UACA: variants seen among roughly 807,000 people sequenced by gnomAD.
UACA encodes the protein nuclear membrane binding protein.
UACA carries 112 observed loss-of-function variants against 160.5 expected under a neutral mutation model. The ratio of observed to expected loss-of-function variants is 0.70; its 90% CI spans 0.60 to 0.82. The LOEUF is 0.82. Among genes scored for constraint, UACA ranks in the 40% least tolerant of loss-of-function variants. The pLI, the probability that UACA is intolerant of heterozygous loss-of-function variation, is 0.00. For missense variants in UACA, 1,574 were observed against 1,614.6 expected, an observed-to-expected ratio of 0.97 and a Z score of 0.43; for synonymous variants, 557 against 568.4, an observed-to-expected ratio of 0.98 and a Z score of 0.29.
intron 2 of UACA, 58 bp from the exon 3 acceptor site, chr15:70,695,163 G>A: frequency 7.8e-7 from 1 of 1,275,016 alleles, no homozygotes; most frequent in African/African-American, 1.5e-5. Context: ...CACCTTAAAT[G>A]CTACATTAAT....
intron 7 of UACA, 96 bp downstream of exon 7, chr15:70,687,444 G>C: frequency 8.5e-7 from 1 of 1,171,256 alleles, no homozygotes; most frequent in Middle Eastern, 2.1e-4. Context: ...CCACAGGAAA[G>C]AAAGGCCAAG....
chr15:70,666,558 G>T (rs1466531224), intron 16 of UACA, among the ~76,000 whole-genome samples, 166 bp downstream of exon 16: 1 of 152,138 alleles, frequency 6.6e-6, no homozygotes, highest in African/African-American at 2.4e-5. Flanking sequence ...TTTGACTTTT[G>T]TGTTACTTCA....
chr15:70,705,796 G>A (rs1344772757), intron 1 of UACA, among the ~76,000 whole-genome samples: 1 of 151,974 alleles, frequency 6.6e-6, no homozygotes, highest in East Asian at 1.9e-4. Context: ...CAGAACTTAA[G>A]TACCCTGATT....
chr15:70,657,732 A>G (rs1263438703), intron 18 of UACA, among the ~76,000 whole-genome samples: 2 of 152,132 alleles, frequency 1.3e-5, no homozygotes, highest in Admixed American at 1.3e-4. Flanking sequence ...GAACAAAGTA[A>G]ACTACAAGGA....
In UACA at chr15:70,671,027, A is replaced by G; in HGVS notation, c.1221+12T>C. On this transcript the variant is annotated intron_variant, in intron 15 of 18. Transcript: ENST00000322954. ...AATGTTTTTTAAAATTAAAAAAAAA[A>G]ACAGTTATTACCTGTGAGTCTGCCA... 4 of 1,516,478 alleles carry G rather than the reference A, an allele frequency of 2.6e-6. No homozygotes were observed. The highest frequency in any genetic ancestry group is 3.5e-6 in the Non-Finnish European group (4 of 1,133,250). 93.9% of individuals were successfully genotyped at this position (1,516,478 alleles called of 1,614,324 possible). A position where few individuals can be genotyped will look rare whatever the true frequency, so the allele number is the denominator to read the frequency against.
chr15:70,666,564 CTT>C lies in UACA; in HGVS notation c.3960+158_3960+159del, dbSNP rs1896912351. On this transcript the variant is annotated intron_variant, in intron 16 of 18. Coordinates refer to ENST00000322954, the MANE Select transcript of UACA (RefSeq NM_018003.4). ...AAAAATGCTTTTGACTTTTGTGTTACTTCACTTTTTTTTTCAATTCGGAATTT... is the reference window on the plus strand; with the variant it reads ...AAAAATGCTTTTGACTTTTGTGTTACCACTTTTTTTTTCAATTCGGAATTT... Among the ~76,000 whole-genome samples the C allele has an allele frequency of 2.6e-5, 4 of 152,290 alleles. No homozygotes were observed. In the South Asian group the frequency reaches 8.3e-4, roughly 32 times the overall value.
chr15:70,683,929 A>ACTC (rs1897608632), intron 8 of UACA, among the ~76,000 whole-genome samples: 1 of 151,998 alleles, frequency 6.6e-6, no homozygotes, highest in Non-Finnish European at 1.5e-5. Flanking sequence ...ATTCTTTAAA[A>ACTC]CTTCGTAAGT....
intron 1 of UACA, among the ~76,000 whole-genome samples, chr15:70,723,733 C>G (rs1026205030): frequency 2.6e-4 from 40 of 151,666 alleles, no homozygotes; most frequent in African/African-American, 8.5e-4. Context: ...CCCAGGTTCA[C>G]GCCATTCTCC....
chr15:70,743,875 T>C (rs777069730), intron 1 of UACA, among the ~76,000 whole-genome samples: 14 of 152,068 alleles, frequency 9.2e-5, no homozygotes, highest in Non-Finnish European at 1.8e-4. Flanking sequence ...ATTTTAAGTA[T>C]AAAGATTAGA....
chr15:70,772,874 A>G, the UACA span, among the ~76,000 whole-genome samples: 1 of 152,026 alleles, frequency 6.6e-6, no homozygotes, highest in Non-Finnish European at 1.5e-5. Context: ...GGATCACCTA[A>G]GGTCAGGAGT....
intron 3 of UACA, among the ~76,000 whole-genome samples, chr15:70,693,022 T>C (rs999323179): frequency 6.6e-6 from 1 of 152,212 alleles, no homozygotes; most frequent in Non-Finnish European, 1.5e-5. Flanking sequence ...CAATCAGATG[T>C]GATCATTTCA....
chr15:70,745,799 A>G (rs1303979562), intron 1 of UACA, among the ~76,000 whole-genome samples: 1 of 141,766 alleles, frequency 7.1e-6, no homozygotes, highest in African/African-American at 2.5e-5. Context: ...GGCCTCTGAA[A>G]TAACACCACA....
Position 70,668,359 on chromosome 15 carries a change from A to G in UACA, c.2325T>C (p.Tyr775=), listed in dbSNP as rs763666095. The change falls in exon 16 of 19, where the codon TAT becomes TAC. Residue 775 remains tyrosine (Y), a synonymous_variant. Transcript: ENST00000322954. The stretch of plus-strand genomic sequence containing the variant: ...TCTCCATTTCCAACTTCTTTTCTGT[A>G]TATTTTTGTGTTACATCTAAAAGCT... ...NRKLLDVTQK[Y]TEKKLEMEKL... The G allele has an allele frequency of 1.9e-6, 3 of 1,608,086 alleles. No individual in the cohort carries two copies. Among genetic ancestry groups the G allele is most frequent in the Non-Finnish European group, 2.5e-6 (3 of 1,178,722 alleles).
intron 16 of UACA, among the ~76,000 whole-genome samples, chr15:70,665,108 A>G (rs1896857970): frequency 6.6e-6 from 1 of 152,336 alleles, no homozygotes; most frequent in East Asian, 1.9e-4. Flanking sequence ...ATAAGCATCT[A>G]CGAAGGCACA....
In UACA at chr15:70,668,552, T is replaced by C. The variant is rs1897019307; in HGVS notation, c.2132A>G (p.Lys711Arg). The change falls in exon 16 of 19, where the codon AAA becomes AGA. Residue 711 changes from lysine to arginine, a missense_variant. Transcript: ENST00000322954. ...LGKKITELTL[K>R]NQTLQKEIEK... ...AATTTCCTTTTGTAGTGTCTGATTT[T>C]TCAATGTTAACTCAGTGATCTTCTT... 1 of 1,611,954 alleles carries C rather than the reference T, an allele frequency of 6.2e-7. No homozygotes were observed.
At chr15:70,686,017 C>T (rs1045795203) in intron 7 of UACA, among the ~76,000 whole-genome samples, 2 of 151,922 alleles carry the variant, frequency 1.3e-5, no homozygotes, top group Admixed American at 6.6e-5. Flanking sequence ...TCAAGTGATC[C>T]GCGCCCAGCC....
chr15:70,716,840 T>A (rs1898835497), intron 1 of UACA, among the ~76,000 whole-genome samples: 1 of 152,208 alleles, frequency 6.6e-6, no homozygotes, highest in Non-Finnish European at 1.5e-5. Context: ...AAAGCTGAAC[T>A]CAGCATCTGA....
chr15:70,747,300 G>A (rs1483527110), intron 1 of UACA, among the ~76,000 whole-genome samples: 6 of 142,396 alleles, frequency 4.2e-5, no homozygotes, highest in Non-Finnish European at 9.0e-5. Flanking sequence ...CTGGAGTGCA[G>A]TGGCGTTATC....
chr15:70,737,805 T>C (rs1206404343), intron 1 of UACA, among the ~76,000 whole-genome samples: 1 of 152,252 alleles, frequency 6.6e-6, no homozygotes, highest in African/African-American at 2.4e-5. Flanking sequence ...ACATTTGGAT[T>C]TTTTGAATGT....
Sources: allele counts gnomAD v4.1 joint callset (sites outside exome capture counted in the v4.1 genomes callset), GRCh38; gene constraint gnomAD v4.1.1; transcripts MANE v1.5; gene names NCBI Gene and HGNC (gene_info 2026-07-23, HGNC 2026-07-21).